The following KRAS variants were observed in gnomAD, a reference collection of about 807,000 sequenced individuals.
The protein encoded by KRAS is KRas proto-oncogene, GTPase.
In KRAS, 1 loss-of-function variant was observed where a neutral mutation model predicts 21.0. That is an observed-to-expected ratio of 0.05 (90% CI 0.02 to 0.23). The LOEUF (loss-of-function observed/expected upper bound fraction) is 0.23, where lower values mean the gene tolerates loss of function less well. Among genes scored for constraint, KRAS ranks in the 10% least tolerant of loss-of-function variants. The probability of loss-of-function intolerance (pLI) is 1.00; values close to 1 mark genes in which losing one functional copy is unlikely to be tolerated. For missense variants in KRAS, 107 were observed against 221.8 expected, an observed-to-expected ratio of 0.48 and a Z score of 3.29; for synonymous variants, 67 against 72.5, an observed-to-expected ratio of 0.92 and a Z score of 0.39.
intron 1 of KRAS, among the ~76,000 whole-genome samples, chr12:25,248,832 C>G (rs1951723849): frequency 6.6e-6 from 1 of 152,080 alleles, no homozygotes; most frequent in South Asian, 2.1e-4. Context: ...GAATTACCAT[C>G]TACCATCTCT....
chr12:25,247,327 C>G (rs994463432), intron 1 of KRAS, among the ~76,000 whole-genome samples: 2 of 152,170 alleles, frequency 1.3e-5, no homozygotes, highest in African/African-American at 2.4e-5. Context: ...ACTAACCTTA[C>G]TCCTAAGCCC....
At chr12:25,224,142 G>A (rs554120804) in intron 4 of KRAS, among the ~76,000 whole-genome samples, 1 of 126,826 alleles carries the variant, frequency 7.9e-6, no homozygotes, top group East Asian at 2.4e-4. Context: ...TAATGGTATA[G>A]CACCTATATT....
intron 2 of KRAS, among the ~76,000 whole-genome samples, chr12:25,233,363 CAACATGGTA>C (rs979163256): frequency 6.6e-5 from 10 of 151,798 alleles, no homozygotes; most frequent in African/African-American, 1.9e-4. Flanking sequence ...CCAGCCTGGC[CAACATGGTA>C]AAATCCCATC....
intron 2 of KRAS, among the ~76,000 whole-genome samples, chr12:25,231,694 C>T (rs969179766): frequency 2.0e-5 from 3 of 152,050 alleles, no homozygotes; most frequent in African/African-American, 7.2e-5. Context: ...AATCTATAAC[C>T]TACTCATAAA....
chr12:25,221,024 CAAAAAA>C (rs67015511), intron 4 of KRAS, among the ~76,000 whole-genome samples: 11 of 84,808 alleles, frequency 1.3e-4, no homozygotes, highest in African/African-American at 1.0e-4. Context: ...GACTCTGCCT[CAAAAAA>C]AAAAAAAAAA....
chr12:25,216,462 A>G (rs548512301), intron 4 of KRAS, among the ~76,000 whole-genome samples: 62 of 152,188 alleles, frequency 4.1e-4, no homozygotes, highest in Non-Finnish European at 4.0e-4. Context: ...TTTCGTAGAG[A>G]CAGGGTTTTG....
At chr12:25,226,427 CG>C (rs1951392473) in intron 3 of KRAS, among the ~76,000 whole-genome samples, 1 of 152,098 alleles carries the variant, frequency 6.6e-6, no homozygotes, top group Non-Finnish European at 1.5e-5. Context: ...CTCAAATTCC[CG>C]GTTCCGAACA....
At chr12:25,231,165 G>A (rs1056486981) in intron 2 of KRAS, among the ~76,000 whole-genome samples, 2 of 128,110 alleles carry the variant, frequency 1.6e-5, no homozygotes, top group African/African-American at 3.0e-5. Flanking sequence ...GCAGTGACAC[G>A]ATCTCGAGTC....
chr12:25,242,580 G>A lies in KRAS; in HGVS notation c.111+2694C>T, dbSNP rs940808125. 3.9e-5 allele frequency among the ~76,000 whole-genome samples: 6 copies of A among 152,092 alleles called. No homozygotes were observed. In the South Asian group the frequency reaches 1.0e-3, roughly 26 times the overall value. On this transcript the variant is annotated intron_variant, in intron 2 of 4. Transcript: ENST00000311936. ...ATATATACTTCACAATACAAGTAAA[G>A]GTGATTATGTGCACAGCCTCGAATA...
intron 1 of KRAS, among the ~76,000 whole-genome samples, chr12:25,246,279 C>T (rs1476145037): frequency 1.3e-5 from 2 of 152,144 alleles, no homozygotes; most frequent in African/African-American, 4.8e-5. Flanking sequence ...ATTAGAAAGC[C>T]GGGTGCGGCG....
chr12:25,239,664 T>C (rs1951586353), intron 2 of KRAS, among the ~76,000 whole-genome samples: 1 of 152,186 alleles, frequency 6.6e-6, no homozygotes, highest in Admixed American at 6.5e-5. Context: ...GATTTCTTAG[T>C]AACATGCATT....
At chr12:25,212,832 C>T (rs1216311965) in intron 4 of KRAS, among the ~76,000 whole-genome samples, 1 of 152,072 alleles carries the variant, frequency 6.6e-6, no homozygotes, top group African/African-American at 2.4e-5. Flanking sequence ...AAGCAGTCCT[C>T]GCGCTGTGGA....
In KRAS at chr12:25,208,943, A is replaced by G; in HGVS notation, c.*852T>C. 3.3e-6 allele frequency: 1 copy of G among 299,788 alleles called. No homozygotes were observed. Among genetic ancestry groups the G allele is most frequent in the Non-Finnish European group, 6.1e-6 (1 of 163,296 alleles). 18.6% of individuals were successfully genotyped at this position (299,788 alleles called of 1,614,324 possible). A position where few individuals can be genotyped will look rare whatever the true frequency, so the allele number is the denominator to read the frequency against. The stretch of plus-strand genomic sequence containing the variant: ...ATACTATGAAAGAGCAGTCTGACAC[A>G]GGGAGACTACATTTAATTCCTATGA... On this transcript the variant is annotated 3_prime_UTR_variant, in exon 5 of 5. Transcript: ENST00000311936.
At chr12:25,244,254 A>G (rs925186931) in intron 2 of KRAS, among the ~76,000 whole-genome samples, 1 of 152,208 alleles carries the variant, frequency 6.6e-6, no homozygotes, top group African/African-American at 2.4e-5. Context: ...ATTTTTTTAA[A>G]TTAGTACACT....
intron 4 of KRAS, among the ~76,000 whole-genome samples, chr12:25,212,112 T>C (rs989206213): frequency 6.6e-6 from 1 of 152,196 alleles, no homozygotes; most frequent in Admixed American, 6.5e-5. Context: ...ACAATTTACT[T>C]GACAGTTTAG....
At chr12:25,210,047 AT>A in intron 4 of KRAS, 136 bp from the exon 5 acceptor site, 1 of 586,632 alleles carries the variant, frequency 1.7e-6, no homozygotes, top group East Asian at 3.0e-5. Context: ...TATATATTAC[AT>A]ATATTAGGAC....
At chr12:25,218,778 T>C (rs565870116) in intron 4 of KRAS, among the ~76,000 whole-genome samples, 25 of 152,130 alleles carry the variant, frequency 1.6e-4, no homozygotes, top group Non-Finnish European at 2.8e-4. Flanking sequence ...CCAAAATCTG[T>C]AGATAATTTT....
At chr12:25,225,252 A>G (rs1003661116) in intron 4 of KRAS, 1 of 148,810 alleles carries the variant, frequency 6.7e-6, no homozygotes, top group African/African-American at 2.5e-5. Flanking sequence ...AGTACTACCG[A>G]AATAGAAAAC....
intron 4 of KRAS, among the ~76,000 whole-genome samples, chr12:25,224,258 G>C (rs994299224): frequency 1.4e-5 from 2 of 138,938 alleles, no homozygotes; most frequent in African/African-American, 5.5e-5. Context: ...TATTCCAAAA[G>C]AAGGCAATGT....
Sources: gnomAD v4.1 joint callset for allele counts (sites outside exome capture counted in the v4.1 genomes callset) on GRCh38, gnomAD v4.1.1 for gene constraint, MANE v1.5 for transcripts, NCBI Gene and HGNC (gene_info 2026-07-23, HGNC 2026-07-21) for gene names.